The following TENM3 variants were observed in gnomAD, a reference collection of about 807,000 sequenced individuals.
TENM3 encodes the protein teneurin-3.
TENM3 carries 63 observed loss-of-function variants against 255.1 expected under a neutral mutation model. The ratio of observed to expected loss-of-function variants is 0.25; its 90% confidence interval spans 0.20 to 0.30. The LOEUF (loss-of-function observed/expected upper bound fraction) is 0.30. Among genes scored for constraint, TENM3 ranks in the 10% least tolerant of loss-of-function variants. The pLI, the probability that TENM3 is intolerant of heterozygous loss-of-function variation, is 1.00. For synonymous variants in TENM3, 1,306 were observed against 1,322.3 expected, an observed-to-expected ratio of 0.99 and a Z score of 0.27; for missense variants, 2,929 against 3,461.1, an observed-to-expected ratio of 0.85 and a Z score of 3.86.
chr4:181,680,151 G>C, the TENM3 span, among the ~76,000 whole-genome samples: 1 of 151,822 alleles, frequency 6.6e-6, no homozygotes, highest in Non-Finnish European at 1.5e-5. Context: ...ACCCTTTGCC[G>C]CCTTAAGCTT....
the TENM3 span, among the ~76,000 whole-genome samples, chr4:181,480,842 T>C: frequency 6.7e-6 from 1 of 149,836 alleles, no homozygotes. Context: ...GTTACATATA[T>C]GTTTATTAGA....
In TENM3 at chr4:182,688,163, T is replaced by C. The variant is rs2152574840; in HGVS notation, c.2036-3T>C. 1 of 1,585,514 alleles carries C rather than the reference T, an allele frequency of 6.3e-7. No homozygotes were observed. ...TGTTTTGTGTCCTCTTCCTCCCACA[T>C]AGAAATATGTTCTGTGGACTGTGGC... On this transcript the variant is annotated splice_region_variant and splice_polypyrimidine_tract_variant and intron_variant, in intron 11 of 27. Coordinates refer to ENST00000511685, the MANE Select transcript of TENM3 (RefSeq NM_001080477.4).
At chr4:181,459,426 C>G in the TENM3 span, among the ~76,000 whole-genome samples, 46 of 151,922 alleles carry the variant, frequency 3.0e-4, no homozygotes, top group African/African-American at 1.1e-3. Context: ...AAATCTTTCT[C>G]TATTCCATAA....
the TENM3 span, among the ~76,000 whole-genome samples, chr4:182,021,108 C>A: frequency 6.6e-6 from 1 of 152,114 alleles, no homozygotes; most frequent in African/African-American, 2.4e-5. Flanking sequence ...CTATTCCCAT[C>A]TTCATGTTTA....
At chr4:181,518,193 G>A in the TENM3 span, among the ~76,000 whole-genome samples, 18 of 152,118 alleles carry the variant, frequency 1.2e-4, no homozygotes, top group Non-Finnish European at 1.6e-4. Context: ...AACTGTTCCA[G>A]ACTGGTGAGT....
chr4:181,549,013 G>T, the TENM3 span, among the ~76,000 whole-genome samples: 1 of 152,320 alleles, frequency 6.6e-6, no homozygotes, highest in African/African-American at 2.4e-5. Flanking sequence ...GTTGACATCT[G>T]TGTAATGGGG....
At chr4:181,497,348 C>A in the TENM3 span, among the ~76,000 whole-genome samples, 1 of 152,160 alleles carries the variant, frequency 6.6e-6, no homozygotes. Context: ...AGACTGTCTA[C>A]TACCCTATAG....
At chr4:181,475,136 C>T in the TENM3 span, among the ~76,000 whole-genome samples, 1 of 152,184 alleles carries the variant, frequency 6.6e-6, no homozygotes, top group Non-Finnish European at 1.5e-5. Context: ...TTGAAACAGG[C>T]ATCCGCTTAT....
rs1761920903 is a variant in TENM3, at chr4:182,302,740, G to A, written c.-75-21206G>A. On this transcript the variant is annotated intron_variant, in intron 1 of 27. Coordinates refer to ENST00000511685, the MANE Select transcript of TENM3 (RefSeq NM_001080477.4). ...TTTCTTAACATTCAGAATGAGAGCT[G>A]TTCATCTGACAGTCATTTTTCCTTT... 2.0e-5 allele frequency among the ~76,000 whole-genome samples: 3 copies of A among 152,306 alleles called. No individual in the cohort carries two copies. In the South Asian group the frequency reaches 6.2e-4, roughly 32 times the overall value.
chr4:182,568,890 C>G (rs965571401), intron 3 of TENM3, among the ~76,000 whole-genome samples: 11 of 152,184 alleles, frequency 7.2e-5, no homozygotes, highest in African/African-American at 2.4e-4. Flanking sequence ...CGAGTACATA[C>G]TGTATGATTC....
At chr4:182,453,755 A>T (rs1027006762) in intron 3 of TENM3, among the ~76,000 whole-genome samples, 2 of 152,110 alleles carry the variant, frequency 1.3e-5, no homozygotes, top group African/African-American at 4.8e-5. Context: ...TGTAATCTGG[A>T]TCTCTTTTTA....
the TENM3 span, among the ~76,000 whole-genome samples, chr4:181,715,991 A>C: frequency 2.0e-5 from 3 of 152,210 alleles, no homozygotes; most frequent in African/African-American, 7.2e-5. Flanking sequence ...CAGTTAGTCC[A>C]TTGCATGGTT....
chr4:182,129,793 T>C, the TENM3 span, among the ~76,000 whole-genome samples: 1 of 152,164 alleles, frequency 6.6e-6, no homozygotes, highest in South Asian at 2.1e-4. Context: ...TCAATTGCAG[T>C]GTTTTAAAAG....
chr4:181,736,992 A>G, the TENM3 span, among the ~76,000 whole-genome samples: 1 of 152,172 alleles, frequency 6.6e-6, no homozygotes, highest in Admixed American at 6.5e-5. Flanking sequence ...TCGAGTATCT[A>G]ATAGAGTCTC....
the TENM3 span, among the ~76,000 whole-genome samples, chr4:181,854,310 C>T: frequency 6.6e-6 from 1 of 152,218 alleles, no homozygotes; most frequent in South Asian, 2.1e-4. Flanking sequence ...CATACTTCAT[C>T]TGCTGTTCAT....
the TENM3 span, among the ~76,000 whole-genome samples, chr4:181,453,899 G>A: frequency 2.0e-5 from 3 of 151,990 alleles, no homozygotes; most frequent in Admixed American, 6.6e-5. Context: ...GAAGGTCCTG[G>A]GTTTAAAATG....
chr4:181,566,653 C>T, the TENM3 span, among the ~76,000 whole-genome samples: 2 of 152,148 alleles, frequency 1.3e-5, no homozygotes, highest in African/African-American at 4.8e-5. Context: ...CTGTGGTTTA[C>T]ACAGGCCCGT....
At chr4:181,861,313 A>T in the TENM3 span, among the ~76,000 whole-genome samples, 7 of 152,168 alleles carry the variant, frequency 4.6e-5, no homozygotes, top group Non-Finnish European at 1.0e-4. Context: ...AAGAAGGTGG[A>T]ATAAATATTT....
the TENM3 span, among the ~76,000 whole-genome samples, chr4:182,131,121 T>C: frequency 1.3e-5 from 2 of 152,186 alleles, no homozygotes; most frequent in African/African-American, 4.8e-5. Context: ...TAAACTGTGT[T>C]AACGTAAACA....
Sources: gnomAD v4.1 joint callset for allele counts (sites outside exome capture counted in the v4.1 genomes callset) on GRCh38, gnomAD v4.1.1 for gene constraint, MANE v1.5 for transcripts, NCBI Gene and HGNC (gene_info 2026-07-23, HGNC 2026-07-21) for gene names.